FAM135B: variants seen among roughly 807,000 people sequenced by gnomAD.
The protein encoded by FAM135B is family with sequence similarity 135 member B, also known as protein FAM135B.
A neutral mutation model predicts 127.7 loss-of-function variants in FAM135B; 43 were observed. That is an observed-to-expected ratio of 0.34 (90% CI 0.26 to 0.43). FAM135B has a LOEUF of 0.43. Among genes scored for constraint, FAM135B ranks in the 20% least tolerant of loss-of-function variants. The probability of loss-of-function intolerance (pLI) is 1.00; values close to 1 mark genes in which losing one functional copy is unlikely to be tolerated. For missense variants in FAM135B, 1,558 were observed against 1,725.6 expected, an observed-to-expected ratio of 0.90 and a Z score of 1.72; for synonymous variants, 670 against 665.1, an observed-to-expected ratio of 1.01 and a Z score of -0.11.
chr8:138,257,892 A>AT (rs1554646126), intron 4 of FAM135B, among the ~76,000 whole-genome samples: 35 of 142,186 alleles, frequency 2.5e-4, no homozygotes, highest in Non-Finnish European at 4.5e-4. Context: ...AAATAAAAAA[A>AT]AAAATAAAAC....
At chr8:138,263,385 G>A (rs1822687382) in intron 4 of FAM135B, among the ~76,000 whole-genome samples, 2 of 152,086 alleles carry the variant, frequency 1.3e-5, no homozygotes, top group African/African-American at 2.4e-5. Context: ...ACTTGCAGAA[G>A]CTCTCATAGG....
chr8:138,334,372 T>A (rs569104258), intron 2 of FAM135B, among the ~76,000 whole-genome samples: 36 of 152,356 alleles, frequency 2.4e-4, no homozygotes, highest in African/African-American at 7.5e-4. Flanking sequence ...TCACTTGTTT[T>A]GTTTCTTTGT....
At chr8:138,406,089 G>C (rs1833468429) in intron 1 of FAM135B, among the ~76,000 whole-genome samples, 1 of 147,514 alleles carries the variant, frequency 6.8e-6, no homozygotes, top group African/African-American at 2.6e-5. Context: ...AAATTTGTTT[G>C]AGTTCATTGT....
chr8:138,339,230 G>A (rs1215535037), intron 2 of FAM135B, among the ~76,000 whole-genome samples: 1 of 151,854 alleles, frequency 6.6e-6, no homozygotes, highest in East Asian at 1.9e-4. Flanking sequence ...TGCACGTTGT[G>A]CACGTGTACC....
At chr8:138,251,066 G>A (rs1235706498) in intron 5 of FAM135B, 52 bp from the exon 6 acceptor site, 1 of 1,601,100 alleles carries the variant, frequency 6.2e-7, no homozygotes, top group Admixed American at 1.7e-5. Context: ...TGCCCCTGCT[G>A]TCCTCCTAGC....
chr8:138,345,352 G>A (rs1223773442), intron 2 of FAM135B, among the ~76,000 whole-genome samples: 1 of 152,202 alleles, frequency 6.6e-6, no homozygotes, highest in Admixed American at 6.5e-5. Flanking sequence ...TGACATCTGA[G>A]CAGAGACAAA....
At chr8:138,389,247 G>A (rs1430960497) in intron 1 of FAM135B, among the ~76,000 whole-genome samples, 1 of 152,120 alleles carries the variant, frequency 6.6e-6, no homozygotes. Flanking sequence ...TCAGTTTGAT[G>A]GCACCTCAAT....
chr8:138,181,041 C>T (rs1442536219), intron 9 of FAM135B, among the ~76,000 whole-genome samples: 3 of 150,778 alleles, frequency 2.0e-5, no homozygotes, highest in Non-Finnish European at 4.4e-5. Context: ...GAGAACGAGA[C>T]CATCCTGGCC....
At chr8:138,360,136 T>C (rs1020716701) in intron 2 of FAM135B, among the ~76,000 whole-genome samples, 2 of 152,062 alleles carry the variant, frequency 1.3e-5, no homozygotes, top group Non-Finnish European at 2.9e-5. Context: ...CAATGAAAAA[T>C]CTTACTCGGA....
chr8:138,270,279 T>C (rs1823274922), intron 3 of FAM135B, among the ~76,000 whole-genome samples: 1 of 152,158 alleles, frequency 6.6e-6, no homozygotes. Flanking sequence ...AGGGATACTG[T>C]TGGACTGGGA....
intron 2 of FAM135B, among the ~76,000 whole-genome samples, chr8:138,362,454 G>A (rs1424430206): frequency 6.6e-6 from 1 of 152,072 alleles, no homozygotes. Flanking sequence ...ACTTTGGTCT[G>A]AATGACTTAT....
intron 12 of FAM135B, among the ~76,000 whole-genome samples, chr8:138,162,275 T>C (rs1354803286): frequency 6.6e-6 from 1 of 152,152 alleles, no homozygotes; most frequent in East Asian, 1.9e-4. Flanking sequence ...CACCAGTGGT[T>C]GCCAGGCACG....
At chr8:138,208,122 A>G (rs981961623) in intron 7 of FAM135B, among the ~76,000 whole-genome samples, 2 of 152,224 alleles carry the variant, frequency 1.3e-5, no homozygotes, top group Non-Finnish European at 2.9e-5. Context: ...AGACTGCCTC[A>G]GAAGCCTCCT....
At chr8:138,336,307 T>C (rs1237286802) in intron 2 of FAM135B, among the ~76,000 whole-genome samples, 1 of 152,088 alleles carries the variant, frequency 6.6e-6, no homozygotes, top group African/African-American at 2.4e-5. Flanking sequence ...AAAAAATCAA[T>C]GAATCCAGGA....
At chr8:138,372,037 G>T (rs1429262419) in intron 1 of FAM135B, among the ~76,000 whole-genome samples, 2 of 152,246 alleles carry the variant, frequency 1.3e-5, no homozygotes, top group African/African-American at 4.8e-5. Context: ...CTCAGGAAGA[G>T]GGGGGACCTG....
At chr8:138,239,658 C>A (rs1418349934) in intron 7 of FAM135B, among the ~76,000 whole-genome samples, 1 of 152,116 alleles carries the variant, frequency 6.6e-6, no homozygotes, top group South Asian at 2.1e-4. Context: ...GGTATATACC[C>A]AAAGGATTAT....
At chr8:138,191,234 C>T (rs1816095035) in intron 9 of FAM135B, among the ~76,000 whole-genome samples, 1 of 152,204 alleles carries the variant, frequency 6.6e-6, no homozygotes, top group Admixed American at 6.5e-5. Context: ...ATGGCCTGCC[C>T]AATGCTGGAC....
At chr8:138,289,712 C>T (rs1412803535) in intron 3 of FAM135B, among the ~76,000 whole-genome samples, 1 of 152,202 alleles carries the variant, frequency 6.6e-6, no homozygotes, top group East Asian at 1.9e-4. Flanking sequence ...GAGGCTGAGC[C>T]CCCTAAAGCC....
chr8:138,273,233 T>A (rs1181097828), intron 3 of FAM135B, among the ~76,000 whole-genome samples: 1 of 152,114 alleles, frequency 6.6e-6, no homozygotes, highest in Non-Finnish European at 1.5e-5. Context: ...TGAGATGGAG[T>A]CTCACTCTGT....
Sources: allele counts gnomAD v4.1 joint callset (sites outside exome capture counted in the v4.1 genomes callset), GRCh38; gene constraint gnomAD v4.1.1; transcripts MANE v1.5; gene names NCBI Gene and HGNC (gene_info 2026-07-23, HGNC 2026-07-21).